The following ATP13A5 variants were observed in gnomAD, a reference collection of about 807,000 sequenced individuals.
The protein encoded by ATP13A5 is probable cation-transporting ATPase 13A5.
A neutral mutation model predicts 150.2 loss-of-function variants in ATP13A5; 149 were observed. The observed-to-expected ratio is 0.99, with a 90% CI of 0.87 to 1.14. The LOEUF (loss-of-function observed/expected upper bound fraction) is 1.14, where lower values mean the gene tolerates loss of function less well. Ranked by LOEUF, ATP13A5 falls within the 50% of genes most tolerant of loss-of-function variation. The probability of loss-of-function intolerance (pLI) is 0.00; values close to 1 mark genes in which losing one functional copy is unlikely to be tolerated. For synonymous variants in ATP13A5, 497 were observed against 522.2 expected (o/e 0.95, Z 0.66); for missense variants, 1,383 against 1,449.3 (o/e 0.95, Z 0.74).
intron 1 of ATP13A5, among the ~76,000 whole-genome samples, chr3:193,369,188 G>A (rs1713356054): frequency 6.6e-6 from 1 of 151,314 alleles, no homozygotes; most frequent in Non-Finnish European, 1.5e-5. Flanking sequence ...GGGCTTTAGT[G>A]AGCCATAATT....
rs187060713 is a variant in ATP13A5, at chr3:193,336,361, G to A, written c.944-1262C>T. 8.5e-5 allele frequency among the ~76,000 whole-genome samples: 13 copies of A among 152,146 alleles called. 1 individual carries two copies. Among genetic ancestry groups the A allele is most frequent in the Admixed American group, 6.5e-4 (10 of 15,270 alleles). ...CATTAAATCATAATTTACATTAGGT[G>A]TATCTCCTAATGCTATCCCTCCCCA... On this transcript the variant is annotated intron_variant, in intron 9 of 29. Coordinates refer to ENST00000342358, the MANE Select transcript of ATP13A5 (RefSeq NM_198505.4).
intron 26 of ATP13A5, among the ~76,000 whole-genome samples, chr3:193,288,620 G>A (rs181184256): frequency 4.7e-4 from 71 of 152,162 alleles, no homozygotes; most frequent in Non-Finnish European, 6.9e-4. Context: ...TATGGACTGG[G>A]AACCCAAAAC....
intron 7 of ATP13A5, among the ~76,000 whole-genome samples, chr3:193,345,487 A>G (rs545835079): frequency 6.6e-6 from 1 of 152,298 alleles, no homozygotes; most frequent in South Asian, 2.1e-4. Flanking sequence ...GGTCAGAATA[A>G]ATTTATGGAA....
chr3:193,319,171 C>T (rs1719167551), intron 16 of ATP13A5, 63 bp from the exon 17 acceptor site: 1 of 1,187,368 alleles, frequency 8.4e-7, no homozygotes, highest in South Asian at 1.3e-5. Flanking sequence ...AAGCAAGACT[C>T]CAGGACACAG....
chr3:193,358,958 T>C (rs1396850765), intron 5 of ATP13A5, among the ~76,000 whole-genome samples: 1 of 152,168 alleles, frequency 6.6e-6, no homozygotes. Context: ...AGTGGTTTTA[T>C]ACTTTAAATG....
intron 25 of ATP13A5, among the ~76,000 whole-genome samples, chr3:193,298,568 T>C (rs958522121): frequency 6.6e-6 from 1 of 152,138 alleles, no homozygotes; most frequent in South Asian, 2.1e-4. Context: ...TTTTCCTTGC[T>C]CTCTGGTGAG....
chr3:193,353,573 G>T (rs756683778), intron 6 of ATP13A5, among the ~76,000 whole-genome samples: 5 of 152,120 alleles, frequency 3.3e-5, no homozygotes, highest in Non-Finnish European at 7.4e-5. Flanking sequence ...ATTTGGAGAT[G>T]GGTCCCTTGG....
chr3:193,365,483 C>A (rs899209838), intron 1 of ATP13A5, among the ~76,000 whole-genome samples: 2 of 152,102 alleles, frequency 1.3e-5, no homozygotes, highest in African/African-American at 4.8e-5. Context: ...AGCATGTTTT[C>A]TATTGGTTCT....
chr3:193,364,156 C>A lies in ATP13A5; in HGVS notation c.188G>T (p.Cys63Phe), dbSNP rs1713149500. The stretch of plus-strand genomic sequence containing the variant: ...TGCTTCTTGCAAGGGGCATGGGATG[C>A]AGTTGGCCCACACTCTCCACTGGGG... ...WRPQWRVWANCIPCPLQEADT... is the reference protein window; with the variant it reads ...WRPQWRVWANFIPCPLQEADT... Residue 63 changes from cysteine (C) to phenylalanine (F), a missense_variant, in exon 2 of 30, where the codon TGC becomes TTC. Physicochemically the swap from Cys to Phe is radical, Grantham distance 205. Around this residue, in one of 3 missense-constraint regions of ATP13A5, gnomAD observed 787 missense variants for 771.9 expected, o/e 1.02. Coordinates refer to ENST00000342358, the MANE Select transcript of ATP13A5 (RefSeq NM_198505.4). The A allele has an allele frequency of 1.2e-6, 2 of 1,613,902 alleles. No homozygotes were observed. Among genetic ancestry groups the A allele is most frequent in the African/African-American group, 1.3e-5 (1 of 74,862 alleles).
intron 26 of ATP13A5, among the ~76,000 whole-genome samples, chr3:193,285,569 G>C (rs971296039): frequency 6.6e-6 from 1 of 152,082 alleles, no homozygotes; most frequent in African/African-American, 2.4e-5. Context: ...GGGGTCTACG[G>C]CTCTATTTTG....
intron 5 of ATP13A5, 27 bp downstream of exon 5, chr3:193,362,354 A>G (rs751654809): frequency 6.3e-7 from 1 of 1,587,166 alleles, no homozygotes; most frequent in Non-Finnish European, 8.7e-7. Context: ...GGCAGAGTTT[A>G]CTCTTAAGGC....
chr3:193,364,964 G>A (rs1325709754), intron 1 of ATP13A5, among the ~76,000 whole-genome samples: 1 of 152,116 alleles, frequency 6.6e-6, no homozygotes, highest in African/African-American at 2.4e-5. Context: ...AAAGATTTGA[G>A]ATTTGATTCT....
At chr3:193,296,320 G>A (rs917044197) in intron 25 of ATP13A5, among the ~76,000 whole-genome samples, 3 of 152,036 alleles carry the variant, frequency 2.0e-5, no homozygotes, top group Non-Finnish European at 2.9e-5. Context: ...CCTAAATGTG[G>A]GTGTTGCCAT....
chr3:193,362,732 T>C, intron 3 of ATP13A5, 95 bp from the exon 4 acceptor site: 1 of 1,062,348 alleles, frequency 9.4e-7, no homozygotes, highest in Non-Finnish European at 1.5e-6. Flanking sequence ...GATCCCCTTG[T>C]GGGTCTCACT....
At chr3:193,375,853 G>A (rs1034729884) in intron 1 of ATP13A5, among the ~76,000 whole-genome samples, 2 of 152,170 alleles carry the variant, frequency 1.3e-5, no homozygotes, top group African/African-American at 2.4e-5. Context: ...TCACAGCATC[G>A]CCCCTCCATC....
chr3:193,320,826 G>A (rs1446214292), intron 16 of ATP13A5, among the ~76,000 whole-genome samples: 4 of 152,212 alleles, frequency 2.6e-5, no homozygotes, highest in African/African-American at 9.7e-5. Context: ...GCCGCTTAAA[G>A]AGTGCATATG....
chr3:193,374,640 GACACACACACACACAC>G (rs113705500), intron 1 of ATP13A5, among the ~76,000 whole-genome samples: 2 of 93,144 alleles, frequency 2.1e-5, no homozygotes, highest in Non-Finnish European at 4.7e-5. Context: ...GTAAGACCAT[GACACACACACACACAC>G]ACACACACAC....
intron 1 of ATP13A5, among the ~76,000 whole-genome samples, chr3:193,371,153 C>G (rs572163116): frequency 2.0e-4 from 30 of 152,200 alleles, no homozygotes; most frequent in African/African-American, 7.0e-4. Context: ...CAGAATTTGC[C>G]CTAGATCAAG....
At chr3:193,336,824 A>G (rs1419490705) in intron 9 of ATP13A5, among the ~76,000 whole-genome samples, 1 of 152,204 alleles carries the variant, frequency 6.6e-6, no homozygotes. Flanking sequence ...TGTCTTCCAC[A>G]ATGGTTGAAC....
Sources: allele counts gnomAD v4.1 joint callset (sites outside exome capture counted in the v4.1 genomes callset), GRCh38; gene constraint gnomAD v4.1.1; regional missense constraint gnomAD v4.1.1; transcripts MANE v1.5; gene names NCBI Gene and HGNC (gene_info 2026-07-23, HGNC 2026-07-21).